SLC22A24: variants seen among roughly 807,000 people sequenced by gnomAD.
SLC22A24 encodes the protein steroid transmembrane transporter SLC22A24.
Under a neutral mutation model 49.8 loss-of-function variants are expected in SLC22A24, and 53 were observed. The ratio of observed to expected loss-of-function variants is 1.06; its 90% CI spans 0.85 to 1.34. SLC22A24 has a LOEUF of 1.34. Ranked by LOEUF, SLC22A24 falls within the 40% of genes most tolerant of loss-of-function variation. The pLI is 0.00. For synonymous variants in SLC22A24, 302 were observed against 256.4 expected (o/e 1.18, Z -1.70); for missense variants, 786 against 675.9 (o/e 1.16, Z -1.81).
At chr11:63,139,628 G>A (rs1332179858) in intron 1 of SLC22A24, among the ~76,000 whole-genome samples, 1 of 152,138 alleles carries the variant, frequency 6.6e-6, no homozygotes, top group African/African-American at 2.4e-5. Flanking sequence ...TGGGCTGATT[G>A]TCTGGGTTGC....
intron 4 of SLC22A24, among the ~76,000 whole-genome samples, chr11:63,107,066 C>A (rs1052266823): frequency 6.6e-6 from 1 of 152,106 alleles, no homozygotes; most frequent in Non-Finnish European, 1.5e-5. Flanking sequence ...GGTTTTAGAT[C>A]TAACATTTAA....
intron 4 of SLC22A24, among the ~76,000 whole-genome samples, chr11:63,113,914 G>C (rs542127410): frequency 6.6e-6 from 1 of 151,372 alleles, no homozygotes; most frequent in African/African-American, 2.4e-5. Flanking sequence ...GGCTTTTTGG[G>C]TTTCTGCCGA....
intron 7 of SLC22A24, among the ~76,000 whole-genome samples, chr11:63,082,399 G>C (rs960164357): frequency 6.6e-6 from 1 of 152,170 alleles, no homozygotes; most frequent in African/African-American, 2.4e-5. Flanking sequence ...AGTGGAGAAG[G>C]CTCTCCTATA....
In SLC22A24 at chr11:63,143,377, C is replaced by T. The variant is rs1939749; in HGVS notation, c.402+1G>A. Reference sequence around the variant, plus strand: ...CAGAAGATTTACATGGGGCCTCTTACCTCAGTCACGATGGTGGAGAGGAAA... The same window carrying T: ...CAGAAGATTTACATGGGGCCTCTTATCTCAGTCACGATGGTGGAGAGGAAA... On this transcript the variant is annotated splice_donor_variant, in intron 1 of 9. Coordinates refer to ENST00000612278, the MANE Select transcript of SLC22A24 (RefSeq NM_001136506.2). LOFTEE classifies it high-confidence loss of function. 0.17 allele frequency: 238,306 copies of T among 1,441,296 alleles called. 23,569 individuals are homozygous for T. The highest frequency in any genetic ancestry group is 0.47 in the African/African-American group (31,896 of 68,548). 89.3% of individuals were successfully genotyped at this position (1,441,296 alleles called of 1,614,324 possible).
chr11:63,102,393 A>G (rs2087096713), intron 5 of SLC22A24, among the ~76,000 whole-genome samples: 1 of 152,104 alleles, frequency 6.6e-6, no homozygotes, highest in Admixed American at 6.6e-5. Flanking sequence ...CTCTCAATAA[A>G]AAAAATACAG....
intron 6 of SLC22A24, among the ~76,000 whole-genome samples, chr11:63,092,227 A>G (rs549163493): frequency 6.6e-6 from 1 of 152,036 alleles, no homozygotes; most frequent in East Asian, 1.9e-4. Context: ...GAAGAACTAC[A>G]TACCAGTGCT....
At chr11:63,090,229 C>T (rs752443845) in intron 6 of SLC22A24, among the ~76,000 whole-genome samples, 8 of 151,896 alleles carry the variant, frequency 5.3e-5, no homozygotes, top group Non-Finnish European at 8.8e-5. Flanking sequence ...TAGAGACCTA[C>T]AAAGAGGCTT....
intron 5 of SLC22A24, among the ~76,000 whole-genome samples, chr11:63,098,231 T>C (rs1287324102): frequency 1.3e-5 from 2 of 152,100 alleles, no homozygotes; most frequent in African/African-American, 4.8e-5. Context: ...ACCAGTGGGT[T>C]AATGAATAAA....
Position 63,134,736 on chromosome 11 carries a change from T to C in SLC22A24, c.435A>G (p.Lys145=). 2.5e-6 allele frequency: 4 copies of C among 1,570,498 alleles called. No homozygotes were observed. Among genetic ancestry groups the C allele is most frequent in the Non-Finnish European group, 3.5e-6 (4 of 1,156,024 alleles). ...WDLVCESQSL[K]SMVQSLFMAG... ...CCATAAATAGGGATTGAACCATTGA[T>C]TTTAGTGACTGAGATTCACATACCA... The change falls in exon 2 of 10, where the codon AAA becomes AAG. Residue 145 remains lysine, a synonymous_variant. Transcript: ENST00000612278.
chr11:63,140,087 T>G lies in SLC22A24; in HGVS notation c.402+3291A>C, dbSNP rs146724868. ...TTTTTGTTTTTTTGTTTTTTTTTTT[T>G]GTTTTTTTTTTTTGAGACGGGGTCT... On this transcript the variant is annotated intron_variant, in intron 1 of 9. Transcript: ENST00000612278. Among the ~76,000 whole-genome samples the G allele has an allele frequency of 8.8e-3, 542 of 61,398 alleles. 5 individuals are homozygous for G. The highest frequency in any genetic ancestry group is 0.017 in the African/African-American group (412 of 24,066). 40.3% of individuals were successfully genotyped at this position (61,398 alleles called of 152,430 possible). A position where few individuals can be genotyped will look rare whatever the true frequency, so the allele number is the denominator to read the frequency against.
chr11:63,113,771 T>G (rs1279294364), intron 4 of SLC22A24, among the ~76,000 whole-genome samples: 4 of 150,990 alleles, frequency 2.6e-5, no homozygotes, highest in Non-Finnish European at 5.9e-5. Flanking sequence ...GGAAAATCAC[T>G]TGAACCCAGG....
intron 4 of SLC22A24, among the ~76,000 whole-genome samples, chr11:63,108,120 T>A (rs1261362241): frequency 2.0e-5 from 3 of 152,170 alleles, no homozygotes; most frequent in Non-Finnish European, 4.4e-5. Flanking sequence ...CAATACCTAG[T>A]CTATTGAGAG....
At chr11:63,081,264 A>C (rs1353191821) in intron 8 of SLC22A24, 141 bp from the exon 9 acceptor site, 1 of 729,500 alleles carries the variant, frequency 1.4e-6, no homozygotes, top group Non-Finnish European at 2.2e-6. Flanking sequence ...TAATTGTGAC[A>C]TTTACCTCTG....
At chr11:63,089,234 C>T (rs1028443479) in intron 6 of SLC22A24, among the ~76,000 whole-genome samples, 2 of 152,148 alleles carry the variant, frequency 1.3e-5, no homozygotes, top group Non-Finnish European at 2.9e-5. Context: ...CTGCAGAAAC[C>T]CTACAAGCCA....
At chr11:63,109,220 C>G (rs2087144633) in intron 4 of SLC22A24, among the ~76,000 whole-genome samples, 1 of 145,568 alleles carries the variant, frequency 6.9e-6, no homozygotes, top group Admixed American at 7.4e-5. Flanking sequence ...TGTATATGTG[C>G]CACATTTTCT....
chr11:63,131,846 C>G (rs529774930), intron 2 of SLC22A24, among the ~76,000 whole-genome samples: 1 of 152,292 alleles, frequency 6.6e-6, no homozygotes, highest in South Asian at 2.1e-4. Flanking sequence ...GTTAGGGAAG[C>G]TCTCCTGGAT....
rs1301788861 is a variant in SLC22A24 at position 63,140,063 on chromosome 11, TTTTG to T, written c.402+3311_402+3314del. On this transcript the variant is annotated intron_variant, in intron 1 of 9. Coordinates refer to ENST00000612278, the MANE Select transcript of SLC22A24 (RefSeq NM_001136506.2). The stretch of plus-strand genomic sequence containing the variant: ...AATCTTTTGGAAATAGAGACAGTTT[TTTTG>T]TTTTTTTGTTTTTTTTTTTTGTTTT... Among the ~76,000 whole-genome samples, 587 of 134,698 alleles carry T rather than the reference TTTTG, an allele frequency of 4.4e-3. 4 individuals are homozygous for T. The highest frequency in any genetic ancestry group is 0.014 in the African/African-American group (535 of 38,026). 88.4% of individuals were successfully genotyped at this position (134,698 alleles called of 152,430 possible). A position where few individuals can be genotyped will look rare whatever the true frequency, so the allele number is the denominator to read the frequency against.
At chr11:63,125,346 C>G (rs1266945304) in intron 2 of SLC22A24, among the ~76,000 whole-genome samples, 1 of 151,968 alleles carries the variant, frequency 6.6e-6, no homozygotes, top group East Asian at 1.9e-4. Context: ...TGTGATGTTC[C>G]CCTCCCTGTG....
intron 4 of SLC22A24, among the ~76,000 whole-genome samples, chr11:63,111,970 T>C (rs1353483171): frequency 6.6e-6 from 1 of 152,160 alleles, no homozygotes; most frequent in East Asian, 1.9e-4. Flanking sequence ...CTTTCTTGCT[T>C]TCTCTTGTGG....
Sources: gnomAD v4.1 joint callset for allele counts (sites outside exome capture counted in the v4.1 genomes callset) on GRCh38, gnomAD v4.1.1 for gene constraint, MANE v1.5 for transcripts, NCBI Gene and HGNC (gene_info 2026-07-23, HGNC 2026-07-21) for gene names.